Variants in OTUD7A observed in about 807,000 individuals in gnomAD.
OTUD7A encodes the protein OTU domain-containing protein 7A.
A neutral mutation model predicts 65.7 loss-of-function variants in OTUD7A; 12 were observed. That is an observed-to-expected ratio of 0.18 (90% CI 0.12 to 0.30). The LOEUF (loss-of-function observed/expected upper bound fraction) is 0.30, where lower values mean the gene tolerates loss of function less well. OTUD7A is among the 10% of genes least tolerant of loss of function. The pLI is 1.00. For synonymous variants in OTUD7A, 641 were observed against 586.3 expected (o/e 1.09, Z -1.35); for missense variants, 1,148 against 1,304.8 (o/e 0.88, Z 1.85).
chr15:31,553,380 A>G (rs1484174541), intron 5 of OTUD7A, among the ~76,000 whole-genome samples: 1 of 152,106 alleles, frequency 6.6e-6, no homozygotes, highest in East Asian at 1.9e-4. Flanking sequence ...GCATGGAGCC[A>G]GGTTGGGGGC....
intron 6 of OTUD7A, 27 bp from the exon 7 acceptor site, chr15:31,527,335 G>C (rs753172386): frequency 8.1e-6 from 13 of 1,611,316 alleles, no homozygotes; most frequent in Non-Finnish European, 1.1e-5. Flanking sequence ...AGGGAGAACA[G>C]AGGAGAGAAA....
At chr15:31,854,652 T>C (rs190369633) in intron 1 of OTUD7A, among the ~76,000 whole-genome samples, 126 of 152,330 alleles carry the variant, frequency 8.3e-4, no homozygotes, top group Admixed American at 7.4e-3. Context: ...GTCTCCGTAT[T>C]TTAAAGTCAG....
At chr15:31,652,206 C>T (rs1056034068) in intron 3 of OTUD7A, among the ~76,000 whole-genome samples, 2 of 152,122 alleles carry the variant, frequency 1.3e-5, no homozygotes, top group African/African-American at 2.4e-5. Flanking sequence ...GTTGGCTTTT[C>T]GTCAAATTGC....
intron 3 of OTUD7A, among the ~76,000 whole-genome samples, chr15:31,629,898 C>G (rs900737932): frequency 3.9e-5 from 6 of 152,186 alleles, no homozygotes; most frequent in African/African-American, 1.4e-4. Flanking sequence ...TTGTAGTATT[C>G]TCTGATGGTA....
At chr15:31,733,877 G>C (rs1431266390) in intron 1 of OTUD7A, among the ~76,000 whole-genome samples, 1 of 152,190 alleles carries the variant, frequency 6.6e-6, no homozygotes, top group Non-Finnish European at 1.5e-5. Flanking sequence ...AGAGTGTTCA[G>C]AGGATGCCTG....
chr15:31,480,663 G>A lies in OTUD7A; in HGVS notation c.*2631C>T, dbSNP rs967716678. ...CGAGGTCTACACGCCTCTTCTCAAG[G>A]AGCATGCTGTCGGTGCACGGGACTA... On this transcript the variant is annotated 3_prime_UTR_variant, in exon 13 of 13. Coordinates refer to ENST00000307050, the MANE Select transcript of OTUD7A (RefSeq NM_001382637.1). 1.3e-5 allele frequency: 2 copies of A among 152,272 alleles called. No individual in the cohort carries two copies. Among genetic ancestry groups the A allele is most frequent in the Non-Finnish European group, 2.9e-5 (2 of 68,054 alleles). 9.4% of individuals were successfully genotyped at this position (152,272 alleles called of 1,614,324 possible). A position where few individuals can be genotyped will look rare whatever the true frequency, so the allele number is the denominator to read the frequency against.
At chr15:31,670,960 A>G (rs895068168) in intron 1 of OTUD7A, among the ~76,000 whole-genome samples, 1 of 151,314 alleles carries the variant, frequency 6.6e-6, no homozygotes, top group African/African-American at 2.4e-5. Context: ...GCACCACTGC[A>G]CTCCAGCCTG....
At chr15:31,665,405 G>C (rs768475756) in intron 1 of OTUD7A, among the ~76,000 whole-genome samples, 34 of 151,870 alleles carry the variant, frequency 2.2e-4, no homozygotes, top group Admixed American at 3.9e-4. Flanking sequence ...CTAAGTATTT[G>C]ATTTTATTTT....
intron 1 of OTUD7A, among the ~76,000 whole-genome samples, chr15:31,737,456 G>GA (rs1024386755): frequency 6.6e-6 from 1 of 152,176 alleles, no homozygotes; most frequent in Non-Finnish European, 1.5e-5. Flanking sequence ...ACACAAACTG[G>GA]AAAAACCCTG....
rs200271318 is a variant in OTUD7A at position 31,655,134 on chromosome 15, G to A, written c.113C>T (p.Thr38Met). 3.8e-6 allele frequency: 6 copies of A among 1,562,156 alleles called. No individual in the cohort carries two copies. The highest frequency in any genetic ancestry group is 3.4e-6 in the Non-Finnish European group (4 of 1,159,626). ...TCTGGCCAGACCAGGTTCTGCCCCCGTGGACCGAACAAAGTCTGACAGGAC... is the reference window on the plus strand; with the variant it reads ...TCTGGCCAGACCAGGTTCTGCCCCCATGGACCGAACAAAGTCTGACAGGAC... ...DAVLSDFVRS[T>M]GAEPGLARDL... Residue 38 changes from threonine (T) to methionine (M), a missense_variant, in exon 3 of 13, where the codon ACG (threonine) becomes ATG (methionine). Thr to Met is a moderately conservative substitution (Grantham distance 81). Around this residue, in one of 6 missense-constraint regions of OTUD7A, gnomAD observed 38 missense variants for 85.7 expected, o/e 0.44. Coordinates refer to ENST00000307050, the MANE Select transcript of OTUD7A (RefSeq NM_001382637.1).
intron 1 of OTUD7A, among the ~76,000 whole-genome samples, chr15:31,819,824 G>A (rs1391051554): frequency 2.0e-5 from 3 of 151,716 alleles, no homozygotes; most frequent in African/African-American, 7.3e-5. Context: ...CAGTATATAT[G>A]TTATTTTTAT....
chr15:31,592,330 C>T lies in OTUD7A; in HGVS notation c.152-22133G>A, dbSNP rs149838913. On this transcript the variant is annotated intron_variant, in intron 3 of 12. Transcript: ENST00000307050. ...GACTAAAATACAAACATATGTACAACAGCACAAAAATATTTTCTTTCTTTA... is the reference window on the plus strand; with the variant it reads ...GACTAAAATACAAACATATGTACAATAGCACAAAAATATTTTCTTTCTTTA... 5.1e-3 allele frequency among the ~76,000 whole-genome samples: 783 copies of T among 152,144 alleles called. 11 individuals carry two copies. Among genetic ancestry groups the T allele is most frequent in the South Asian group, 0.02 (97 of 4,806 alleles).
intron 1 of OTUD7A, chr15:31,767,522 T>C: frequency 1.3e-6 from 1 of 771,906 alleles, no homozygotes; most frequent in South Asian, 1.3e-5. Flanking sequence ...GTATAACTAC[T>C]CCATGTTTAC....
At chr15:31,799,255 G>A (rs960187463) in intron 1 of OTUD7A, among the ~76,000 whole-genome samples, 3 of 152,106 alleles carry the variant, frequency 2.0e-5, no homozygotes, top group Admixed American at 6.5e-5. Flanking sequence ...TAATCCAGAC[G>A]GTAGCCCCAG....
chr15:31,857,699 C>T (rs568781152), intron 1 of OTUD7A, among the ~76,000 whole-genome samples: 29 of 152,330 alleles, frequency 1.9e-4, no homozygotes, highest in African/African-American at 6.5e-4. Context: ...CCACGTCCTT[C>T]AACACTTGGC....
At chr15:31,530,645 A>G in intron 6 of OTUD7A, 62 bp downstream of exon 6, 9 of 1,450,704 alleles carry the variant, frequency 6.2e-6, no homozygotes, top group East Asian at 2.3e-5. Flanking sequence ...CTTCAATAGC[A>G]TATGTCTTTC....
At chr15:31,629,928 C>T (rs1462925166) in intron 3 of OTUD7A, among the ~76,000 whole-genome samples, 1 of 152,148 alleles carries the variant, frequency 6.6e-6, no homozygotes, top group African/African-American at 2.4e-5. Flanking sequence ...TCTGTGGGAT[C>T]AGTGGTGATA....
At chr15:31,523,789 G>T (rs1241537102) in intron 8 of OTUD7A, among the ~76,000 whole-genome samples, 1 of 152,218 alleles carries the variant, frequency 6.6e-6, no homozygotes, top group Non-Finnish European at 1.5e-5. Context: ...CATGGGGAGA[G>T]AAGACACAGG....
intron 10 of OTUD7A, among the ~76,000 whole-genome samples, chr15:31,496,055 A>G (rs61033035): frequency 0.068 from 9,882 of 146,150 alleles, 1,181 homozygotes; most frequent in African/African-American, 0.24. Context: ...GACAGAATGA[A>G]ACCCCATCTC....
Sources: allele counts gnomAD v4.1 joint callset (sites outside exome capture counted in the v4.1 genomes callset), GRCh38; gene constraint gnomAD v4.1.1; regional missense constraint gnomAD v4.1.1; transcripts MANE v1.5; gene names NCBI Gene and HGNC (gene_info 2026-07-23, HGNC 2026-07-21).